ENTPD3: variants seen among roughly 807,000 people sequenced by gnomAD.
ENTPD3 encodes CD39 antigen-like 3.
A neutral mutation model predicts 51.2 loss-of-function variants in ENTPD3; 60 were observed. The ratio of observed to expected loss-of-function variants is 1.17; its 90% CI spans 0.95 to 1.45. ENTPD3 has a LOEUF of 1.45. ENTPD3 is among the 40% of genes most tolerant of loss of function. ENTPD3 has a pLI of 0.00. For missense variants in ENTPD3, 593 were observed against 641.1 expected (o/e 0.93, Z 0.81); for synonymous variants, 221 against 238.4 (o/e 0.93, Z 0.67).
At chr3:40,401,287 A>G (rs1403464274) in intron 4 of ENTPD3, among the ~76,000 whole-genome samples, 4 of 152,224 alleles carry the variant, frequency 2.6e-5, no homozygotes, top group East Asian at 1.9e-4. Context: ...TTACCCTGCC[A>G]TATTTTCATG....
At chr3:40,418,839 T>G (rs1955801247) in intron 7 of ENTPD3, among the ~76,000 whole-genome samples, 1 of 152,206 alleles carries the variant, frequency 6.6e-6, no homozygotes, top group African/African-American at 2.4e-5. Flanking sequence ...TTTTCCTGTG[T>G]TGTTAATGTC....
At position 40,396,713 on chromosome 3, in the gene ENTPD3, A is replaced by G. The variant is rs1955210133; in HGVS notation, c.169-4181A>G. Among the ~76,000 whole-genome samples the G allele has an allele frequency of 2.0e-5, 3 of 152,240 alleles. No homozygotes were observed. The South Asian group carries it at 6.2e-4, about 32-fold the overall frequency. On this transcript the variant is annotated intron_variant, in intron 3 of 10. Transcript: ENST00000301825. ...CCCCGCTTTATCATCATGAAGTCCA[A>G]TACCTTCCTCTTGAGGCTTCACCCT...
intron 7 of ENTPD3, among the ~76,000 whole-genome samples, chr3:40,420,976 G>T (rs948283936): frequency 1.3e-4 from 20 of 151,586 alleles, no homozygotes; most frequent in African/African-American, 4.9e-4. Context: ...GTAACACAGG[G>T]AGACCCCACC....
At chr3:40,412,509 G>T (rs1955658365) in intron 5 of ENTPD3, among the ~76,000 whole-genome samples, 1 of 152,066 alleles carries the variant, frequency 6.6e-6, no homozygotes, top group Non-Finnish European at 1.5e-5. Context: ...CAGTTGCATT[G>T]TTTTTGAATG....
At chr3:40,407,876 G>T (rs1298129344) in intron 4 of ENTPD3, among the ~76,000 whole-genome samples, 2 of 152,108 alleles carry the variant, frequency 1.3e-5, no homozygotes, top group African/African-American at 2.4e-5. Flanking sequence ...GACATGATAT[G>T]CCCCCAGTGC....
Position 40,422,871 on chromosome 3 carries a change from C to G in ENTPD3, c.853C>G (p.Leu285Val), listed in dbSNP as rs766410269. 6.2e-7 allele frequency: 1 copy of G among 1,612,816 alleles called. No homozygotes were observed. Among genetic ancestry groups the G allele is most frequent in the East Asian group, 2.2e-5 (1 of 44,866 alleles). ...LLQNSPTKNH[L>V]TNPCYPRDYS... ...ACAGAATTCTCCTACCAAAAACCAT[C>G]TCACCAATCCCTGTTACCCTCGGGA... The change falls in exon 8 of 11, where the codon CTC becomes GTC. Residue 285 changes from leucine (L) to valine (V), a missense_variant. Transcript: ENST00000301825.
intron 8 of ENTPD3, 68 bp downstream of exon 8, chr3:40,423,190 C>A: frequency 1.3e-6 from 2 of 1,571,922 alleles, no homozygotes; most frequent in Admixed American, 3.5e-5. Flanking sequence ...TTCTGTTTCT[C>A]CTCTGCTGAC....
intron 9 of ENTPD3, 71 bp downstream of exon 9, chr3:40,423,472 A>G: frequency 9.0e-7 from 1 of 1,115,180 alleles, no homozygotes; most frequent in Non-Finnish European, 1.3e-6. Flanking sequence ...ATGTGTGTGT[A>G]TTCTGAATTT....
rs771458383 is a variant in ENTPD3 at position 40,392,042 on chromosome 3, A to C, written c.60A>C (p.Arg20=). The change falls in exon 3 of 11, where the codon CGA becomes CGC. Residue 20 remains arginine (R), a synonymous_variant. Transcript: ENST00000301825. ...CEQAGLKALY[R]TPTIIALVVL... ...TTTTAGGCCTCAAGGCCCTCTACCG[A>C]ACTCCAACCATCATTGCCTTGGTGG... 2.5e-6 allele frequency: 4 copies of C among 1,614,144 alleles called. No individual in the cohort carries two copies. In the South Asian group the frequency reaches 4.4e-5, roughly 18 times the overall value.
intron 4 of ENTPD3, among the ~76,000 whole-genome samples, chr3:40,408,762 T>C (rs1955560406): frequency 6.6e-6 from 1 of 152,114 alleles, no homozygotes; most frequent in Admixed American, 6.6e-5. Context: ...CCAGGCACAA[T>C]GGTGTGCACC....
chr3:40,391,603 G>A lies in ENTPD3; in HGVS notation c.41-420G>A, dbSNP rs2125587048. On this transcript the variant is annotated intron_variant, in intron 2 of 10. Transcript: ENST00000301825. ...AGGCAGAAGAATCGCTTGAACCTGG[G>A]AGTTGGAAGCTGCAGTGAGCCAAGA... 2 of 167,080 alleles carry A rather than the reference G, an allele frequency of 1.2e-5. 1 individual carries two copies. Among genetic ancestry groups the A allele is most frequent in the South Asian group, 2.9e-4 (2 of 6,788 alleles). The allele number at this position is 167,080 out of a possible 1,614,324, so 10.3% of individuals were successfully genotyped here. A position where few individuals can be genotyped will look rare whatever the true frequency, so the allele number is the denominator to read the frequency against.
At position 40,427,327 on chromosome 3, in the gene ENTPD3, A is replaced by C; in HGVS notation, c.1409A>C (p.Gln470Pro). ...SLGYMLSLTN[Q>P]IPAESPLIRL... Reference sequence around the variant, plus strand: ...GGCTACATGCTCAGCCTGACCAACCAGATCCCAGCTGAAAGCCCTCTGATC... The same window carrying C: ...GGCTACATGCTCAGCCTGACCAACCCGATCCCAGCTGAAAGCCCTCTGATC... The change falls in exon 11 of 11, where the codon CAG becomes CCG. Residue 470 changes from glutamine (Q) to proline (P), a missense_variant. By Grantham distance (76) the Gln-to-Pro change is moderately conservative. Coordinates refer to ENST00000301825, the MANE Select transcript of ENTPD3 (RefSeq NM_001248.4). The C allele has an allele frequency of 6.2e-7, 1 of 1,614,182 alleles. No individual in the cohort carries two copies.
At chr3:40,415,481 AGCTTCTTCTG>A (rs1263452122) in intron 6 of ENTPD3, among the ~76,000 whole-genome samples, 1 of 152,196 alleles carries the variant, frequency 6.6e-6, no homozygotes, top group African/African-American at 2.4e-5. Context: ...CCATACTTCT[AGCTTCTTCTG>A]ACCTCCTCAC....
chr3:40,400,961 AAG>A lies in ENTPD3; in HGVS notation c.240_241del (p.Asn81Ter), dbSNP rs1230202533. On this transcript the variant is annotated frameshift_variant, in exon 4 of 11. Coordinates refer to ENST00000301825, the MANE Select transcript of ENTPD3 (RefSeq NM_001248.4). LOFTEE classifies it high-confidence loss of function. Reference sequence around the variant, plus strand: ...TACGTGTATCAATGGCCAGCAGAAAAAGAGAATAATACCGGAGTGGTCAGTCA... The same window carrying A: ...TACGTGTATCAATGGCCAGCAGAAAAAGAATAATACCGGAGTGGTCAGTCA... The A allele has an allele frequency of 6.2e-7, 1 of 1,613,900 alleles. No individual in the cohort carries two copies. The highest frequency in any genetic ancestry group is 8.5e-7 in the Non-Finnish European group (1 of 1,180,018).
Position 40,411,831 on chromosome 3 carries a change from T to C in ENTPD3, c.306T>C (p.Tyr102=). 1.9e-6 allele frequency: 3 copies of C among 1,584,968 alleles called. No individual in the cohort carries two copies. Among genetic ancestry groups the C allele is most frequent in the South Asian group, 1.2e-5 (1 of 85,000 alleles). Residue 102 remains tyrosine, a synonymous_variant, in exon 5 of 11, where the codon TAT becomes TAC. Coordinates refer to ENST00000301825, the MANE Select transcript of ENTPD3 (RefSeq NM_001248.4). ...CSVKGSGISS[Y]GNNPQDVPRA... Reference sequence around the variant, plus strand: ...TTTCAGGCTCTGGAATCTCCAGCTATGGAAATAACCCCCAAGATGTCCCCA... The same window carrying C: ...TTTCAGGCTCTGGAATCTCCAGCTACGGAAATAACCCCCAAGATGTCCCCA...
chr3:40,427,536 T>G lies in ENTPD3; in HGVS notation c.*28T>G, dbSNP rs769685796. The G allele has an allele frequency of 1.9e-6, 3 of 1,567,650 alleles. No individual in the cohort carries two copies. Among genetic ancestry groups the G allele is most frequent in the Non-Finnish European group, 2.6e-6 (3 of 1,138,062 alleles). On this transcript the variant is annotated 3_prime_UTR_variant, in exon 11 of 11. Transcript: ENST00000301825. ...CTTCAAAGCAGCTCCTGGAGTCCAA[T>G]GGCTGCTTAGAGTCAGCCTGGGTGG... is the stretch of plus-strand genomic sequence containing the variant.
At chr3:40,402,808 G>A (rs1048350688) in intron 4 of ENTPD3, among the ~76,000 whole-genome samples, 3 of 152,146 alleles carry the variant, frequency 2.0e-5, no homozygotes, top group Non-Finnish European at 4.4e-5. Context: ...AGGTCATACA[G>A]ACCTTTTTCT....
rs1195927265 is a variant in ENTPD3 at position 40,423,281 on chromosome 3, T to G, written c.1105-10T>G. ...GAGAACTAATTTTCTTCTGTATTAC[T>G]TATTTCCAGGCTTTTGCAGGATTCT... On this transcript the variant is annotated splice_polypyrimidine_tract_variant and intron_variant, in intron 8 of 10. Transcript: ENST00000301825. 1.9e-6 allele frequency: 3 copies of G among 1,609,272 alleles called. No individual in the cohort carries two copies. Among genetic ancestry groups the G allele is most frequent in the Admixed American group, 3.3e-5 (2 of 59,848 alleles).
intron 3 of ENTPD3, among the ~76,000 whole-genome samples, chr3:40,395,299 T>C (rs1575209490): frequency 6.6e-6 from 1 of 152,140 alleles, no homozygotes; most frequent in Non-Finnish European, 1.5e-5. Flanking sequence ...TGGAGAGACA[T>C]GGAGGAATCA....
Sources: gnomAD v4.1 joint callset for allele counts (sites outside exome capture counted in the v4.1 genomes callset) on GRCh38, gnomAD v4.1.1 for gene constraint, MANE v1.5 for transcripts, NCBI Gene and HGNC (gene_info 2026-07-23, HGNC 2026-07-21) for gene names.